The following MUC5B variants were observed in gnomAD, a reference collection of about 807,000 sequenced individuals.
MUC5B encodes the protein mucin 5B, oligomeric mucus/gel-forming.
In MUC5B, 116 loss-of-function variants were observed where a neutral mutation model predicts 376.9. That is an observed-to-expected ratio of 0.31 (90% confidence interval 0.26 to 0.36). MUC5B has a LOEUF of 0.36. MUC5B is among the 10% of genes least tolerant of loss of function. The pLI is 1.00. For missense variants in MUC5B, 7,165 were observed against 7,769.9 expected (o/e 0.92, Z 2.93); for synonymous variants, 3,517 against 3,390.9 (o/e 1.04, Z -1.29).
chr11:1,236,290 C>A (rs964668459), intron 23 of MUC5B, 96 bp from the exon 24 acceptor site: 2 of 1,256,856 alleles, frequency 1.6e-6, no homozygotes, highest in Non-Finnish European at 2.2e-6. Flanking sequence ...AGAGCCCGTG[C>A]GCACCTGCAG....
chr11:1,251,577 C>T lies in MUC5B; in HGVS notation c.14697C>T (p.Thr4899=), dbSNP rs569129571. The T allele has an allele frequency of 6.6e-5, 106 of 1,612,628 alleles. 1 individual carries two copies. The East Asian group carries it at 1.5e-3, about 23-fold the overall frequency. The change falls in exon 31 of 49, where the codon ACC becomes ACT. Residue 4899 remains threonine (T), a synonymous_variant. Coordinates refer to ENST00000529681, the MANE Select transcript of MUC5B (RefSeq NM_002458.3). ...CCTCCACGGTTCCCAGCTCGTCCAC[C>T]GTGGGGACCACCCGCACCCCTGCAG... is the stretch of plus-strand genomic sequence containing the variant. ...ATASTVPSSS[T]VGTTRTPAVL...
chr11:1,227,252 T>C, intron 5 of MUC5B, 56 bp from the exon 6 acceptor site: 3 of 1,574,450 alleles, frequency 1.9e-6, no homozygotes, highest in Non-Finnish European at 1.7e-6. Flanking sequence ...TTGGGGCATG[T>C]TGCCAGTGTG....
Position 1,258,818 on chromosome 11 carries a change from G to T in MUC5B, c.16594-124G>T. 2 of 1,337,620 alleles carry T rather than the reference G, an allele frequency of 1.5e-6. No individual in the cohort carries two copies. The highest frequency in any genetic ancestry group is 2.2e-5 in the Admixed American group (1 of 45,596). 82.9% of individuals were successfully genotyped at this position (1,337,620 alleles called of 1,614,324 possible). A position where few individuals can be genotyped will look rare whatever the true frequency, so the allele number is the denominator to read the frequency against. ...GCCTGCCTGGGTCCATGCTCAGCCA[G>T]GGGTGCATCTATGCTCCATCTGAGG... On this transcript the variant is annotated intron_variant, in intron 43 of 48. Transcript: ENST00000529681. This position sits in a 1 kb window ranked among gnomAD's most constrained non-coding sequence, Gnocchi z 5.5.
In MUC5B at chr11:1,223,108, C is replaced by T. The variant is rs543710907; in HGVS notation, c.-16C>T. 81 of 700,146 alleles carry T rather than the reference C, an allele frequency of 1.2e-4. 2 individuals carry two copies. The highest frequency in any genetic ancestry group is 6.4e-4 in the South Asian group (43 of 67,172). 43.4% of individuals were successfully genotyped at this position (700,146 alleles called of 1,614,324 possible). ...CCCTGCCCGTCCCCGTCCCCCCACC[C>T]GTGCCAGCCCCCAGGATGGGTGCCC... On this transcript the variant is annotated 5_prime_UTR_variant, in exon 1 of 49. Coordinates refer to ENST00000529681, the MANE Select transcript of MUC5B (RefSeq NM_002458.3).
At position 1,251,534 on chromosome 11, in the gene MUC5B, C is replaced by G. The variant is rs749226986; in HGVS notation, c.14654C>G (p.Thr4885Ser). The G allele has an allele frequency of 1.9e-6, 3 of 1,613,118 alleles. No individual in the cohort carries two copies. Among genetic ancestry groups the G allele is most frequent in the Non-Finnish European group, 1.7e-6 (2 of 1,179,818 alleles). ...HTPKVVTTMATMPTATASTVP... is the reference protein window; with the variant it reads ...HTPKVVTTMASMPTATASTVP... ...CCCAAAGTGGTGACCACCATGGCCA[C>G]TATGCCCACAGCCACTGCCTCCACG... The change falls in exon 31 of 49, where the codon ACT (threonine) becomes AGT (serine). Residue 4885 changes from threonine to serine, a missense_variant. Transcript: ENST00000529681.
At chr11:1,252,015 C>T (rs2133845819) in intron 31 of MUC5B, among the ~76,000 whole-genome samples, 1 of 151,154 alleles carries the variant, frequency 6.6e-6, no homozygotes, top group Admixed American at 6.6e-5. Flanking sequence ...ATTCGGTCTC[C>T]CCTGGACACA....
chr11:1,261,509 C>T lies in MUC5B; in HGVS notation c.17190C>T (p.Thr5730=), dbSNP rs1315853218. The T allele has an allele frequency of 6.2e-7, 1 of 1,604,102 alleles. No homozygotes were observed. Among genetic ancestry groups the T allele is most frequent in the South Asian group, 1.1e-5 (1 of 89,040 alleles). ...PNGSAILHTY[T]HVDECGCTPF... The stretch of plus-strand genomic sequence containing the variant: ...GCTCAGCCATCCTGCACACCTACAC[C>T]CACGTGGATGAGTGTGGCTGCACGC... Residue 5730 remains threonine (T), a synonymous_variant, in exon 49 of 49, where the codon ACC becomes ACT. Transcript: ENST00000529681.
At position 1,245,922 on chromosome 11, in the gene MUC5B, C is replaced by T. The variant is rs751294900; in HGVS notation, c.9042C>T (p.Ser3014=). 2.5e-6 allele frequency: 4 copies of T among 1,613,190 alleles called. No homozygotes were observed. Among genetic ancestry groups the T allele is most frequent in the Admixed American group, 1.7e-5 (1 of 59,974 alleles). Residue 3014 remains serine (S), a synonymous_variant, in exon 31 of 49, where the codon TCC becomes TCT. Coordinates refer to ENST00000529681, the MANE Select transcript of MUC5B (RefSeq NM_002458.3). ...ATTGSTAIPS[S]TPGTAPPPKV... Reference sequence around the variant, plus strand: ...CTGGATCCACGGCCATCCCGTCCTCCACCCCGGGAACAGCTCCCCCTCCCA... The same window carrying T: ...CTGGATCCACGGCCATCCCGTCCTCTACCCCGGGAACAGCTCCCCCTCCCA...
At position 1,261,417 on chromosome 11, in the gene MUC5B, C is replaced by T; in HGVS notation, c.17098C>T (p.His5700Tyr). The T allele has an allele frequency of 1.3e-6, 2 of 1,553,552 alleles. No homozygotes were observed. Among genetic ancestry groups the T allele is most frequent in the Non-Finnish European group, 1.7e-6 (2 of 1,150,088 alleles). The change falls in exon 49 of 49, where the codon CAC becomes TAC. Residue 5700 changes from histidine to tyrosine, a missense_variant. Transcript: ENST00000529681. ...KYSAEAQAMQ[H>Y]QCTCCQERRV... ...CTCAGCAGAGGCCCAGGCCATGCAG[C>T]ACCAGTGCACCTGCTGCCAGGAGAG...
In MUC5B at chr11:1,240,239, C is replaced by T. The variant is rs55913363; in HGVS notation, c.3834C>T (p.Thr1278=). 3,986 of 1,613,558 alleles carry T rather than the reference C, an allele frequency of 2.5e-3. 83 individuals are homozygous for T. The African/African-American group carries it at 0.04, about 16-fold the overall frequency. The change falls in exon 30 of 49, where the codon ACC becomes ACT. Residue 1278 remains threonine (T), a synonymous_variant. Coordinates refer to ENST00000529681, the MANE Select transcript of MUC5B (RefSeq NM_002458.3). ...ACCAGGACGTCATCTACAACACCAC[C>T]GATGGGCTTGGCGCCTGCTTGATCG... is the stretch of plus-strand genomic sequence containing the variant. ...YSYQDVIYNT[T]DGLGACLIAI...
rs201702764 is a variant in MUC5B, at chr11:1,241,769, C to T, written c.4889C>T (p.Thr1630Met). The change falls in exon 31 of 49, where the codon ACG becomes ATG. Residue 1630 changes from threonine to methionine, a missense_variant. By Grantham distance (81) the Thr-to-Met change is moderately conservative. Transcript: ENST00000529681. ...ACCACCACCCAGGCCCTGTTCTCAACGCCGCAGCCTACGAGTAGCCCGGGG... is the reference window on the plus strand; with the variant it reads ...ACCACCACCCAGGCCCTGTTCTCAATGCCGCAGCCTACGAGTAGCCCGGGG... Reference protein sequence around the residue: ...TTTTTQALFSTPQPTSSPGLT... With the variant: ...TTTTTQALFSMPQPTSSPGLT... The T allele has an allele frequency of 4.4e-4, 713 of 1,612,204 alleles. 7 individuals are homozygous for T. The African/African-American group carries it at 7.8e-3, about 18-fold the overall frequency.
At position 1,242,228 on chromosome 11, in the gene MUC5B, G is replaced by A. The variant is rs148847132; in HGVS notation, c.5348G>A (p.Arg1783His). Residue 1783 changes from arginine to histidine, a missense_variant, in exon 31 of 49, where the codon CGC becomes CAC. Physicochemically the swap from Arg to His is conservative, Grantham distance 29 (BLOSUM62 0). Coordinates refer to ENST00000529681, the MANE Select transcript of MUC5B (RefSeq NM_002458.3). ...ACCACCACCAGCCAGGGCACGACCCGCTGTCAACCGAAGTGTGAGTGGACA... is the reference window on the plus strand; with the variant it reads ...ACCACCACCAGCCAGGGCACGACCCACTGTCAACCGAAGTGTGAGTGGACA... ...TNTTTSQGTT[R>H]CQPKCEWTEW... 86 of 1,613,786 alleles carry A rather than the reference G, an allele frequency of 5.3e-5. No individual in the cohort carries two copies. The highest frequency in any genetic ancestry group is 1.6e-4 in the Middle Eastern group (1 of 6,062).
Position 1,239,912 on chromosome 11 carries a change from A to G in MUC5B, c.3697A>G (p.Arg1233Gly), listed in dbSNP as rs1265122701. Residue 1233 changes from arginine to glycine, a missense_variant, in exon 28 of 49, where the codon AGG becomes GGG. Arg to Gly is a moderately radical substitution (Grantham distance 125). Around this residue, in one of 31 missense-constraint regions of MUC5B, gnomAD observed 517 missense variants for 545.3 expected, o/e 0.95. Transcript: ENST00000529681. ...KDGNYYDVGA[R>G]VPTAENCQSC... is the part of the protein sequence containing the mutation. ...CGGAAACTACTATGACGTCGGTGCAAGGGTCCCCACAGCGGAGAACTGCCA... is the reference window on the plus strand; with the variant it reads ...CGGAAACTACTATGACGTCGGTGCAGGGGTCCCCACAGCGGAGAACTGCCA... The G allele has an allele frequency of 3.7e-6, 6 of 1,613,284 alleles. No individual in the cohort carries two copies. Among genetic ancestry groups the G allele is most frequent in the Non-Finnish European group, 1.7e-6 (2 of 1,179,710 alleles).
chr11:1,256,196 C>T lies in MUC5B; in HGVS notation c.16107C>T (p.Gly5369=). 1.4e-6 allele frequency: 1 copy of T among 734,872 alleles called. No individual in the cohort carries two copies. The highest frequency in any genetic ancestry group is 2.5e-6 in the Non-Finnish European group (1 of 395,478). 45.5% of individuals were successfully genotyped at this position (734,872 alleles called of 1,614,324 possible). ...CCACCAAAGTGTACAAGCCATGCGG[C>T]CCCATACAGCCTGCCACCTGCAACT... ...CPPTKVYKPC[G]PIQPATCNSR... The change falls in exon 38 of 49, where the codon GGC becomes GGT. Residue 5369 remains glycine (G), a synonymous_variant. Transcript: ENST00000529681.
chr11:1,242,190 C>T lies in MUC5B; in HGVS notation c.5310C>T (p.Ser1770=). The T allele has an allele frequency of 6.2e-7, 1 of 1,613,544 alleles. No homozygotes were observed. Among genetic ancestry groups the T allele is most frequent in the Non-Finnish European group, 8.5e-7 (1 of 1,179,876 alleles). Residue 1770 remains serine, a synonymous_variant, in exon 31 of 49, where the codon AGC becomes AGT. Transcript: ENST00000529681. ...CGCCCAGGACAGAGACGACAATGAG[C>T]CCCTTGACTAACACCACCACCAGCC... ...TSTPRTETTM[S]PLTNTTTSQG...
Position 1,242,540 on chromosome 11 carries a change from GTA to G in MUC5B, c.5661_5662del (p.Thr1888ProfsTer235). ...TGTGACGACTACAGCCACTGCCCCA[GTA>G]CCCCAGCCACCAGCTCCACGGCCAC... is the stretch of plus-strand genomic sequence containing the variant. On this transcript the variant is annotated frameshift_variant, in exon 31 of 49. Transcript: ENST00000529681. LOFTEE classifies it high-confidence loss of function. 6.2e-7 allele frequency: 1 copy of G among 1,613,772 alleles called. No individual in the cohort carries two copies. Among genetic ancestry groups the G allele is most frequent in the Non-Finnish European group, 8.5e-7 (1 of 1,179,788 alleles).
rs982758935 is a variant in MUC5B at position 1,239,700 on chromosome 11, G to C, written c.3584-99G>C. 17 of 1,492,430 alleles carry C rather than the reference G, an allele frequency of 1.1e-5. No homozygotes were observed. The Middle Eastern group carries it at 5.8e-4, about 51-fold the overall frequency. The allele number at this position is 1,492,430 out of a possible 1,614,324, so 92.4% of individuals were successfully genotyped here. ...ATGCAAGCCTTGAGGGCAGGCCCCT[G>C]CTGGCTGGTGGGGGGCGGCTACTCC... On this transcript the variant is annotated intron_variant, in intron 27 of 48. Transcript: ENST00000529681.
In MUC5B at chr11:1,245,183, G is replaced by T; in HGVS notation, c.8303G>T (p.Arg2768Leu). 1 of 1,576,668 alleles carries T rather than the reference G, an allele frequency of 6.3e-7. No individual in the cohort carries two copies. Among genetic ancestry groups the T allele is most frequent in the South Asian group, 1.1e-5 (1 of 89,448 alleles). The change falls in exon 31 of 49, where the codon CGC (arginine) becomes CTC (leucine). Residue 2768 changes from arginine to leucine, a missense_variant. Around this residue, in one of 31 missense-constraint regions of MUC5B, gnomAD observed 70 missense variants for 169.1 expected, o/e 0.41. Transcript: ENST00000529681. ...SLSPSSPHTV[R>L]TAWTSATSGT... ...TCCCCCAGCAGTCCCCACACGGTGC[G>T]CACAGCCTGGACTTCGGCCACCTCA...
rs774760252 is a variant in MUC5B, at chr11:1,230,080, C to T, written c.1296C>T (p.His432=). The change falls in exon 11 of 49, where the codon CAC becomes CAT. Residue 432 remains histidine (H), a synonymous_variant. Transcript: ENST00000529681. The part of the protein sequence containing the change: ...PGTCSVQGGA[H]ISTYDEKLYD... Reference sequence around the variant, plus strand: ...CCTGCTCTGTGCAGGGCGGGGCCCACATCTCCACCTATGATGAGAAACTCT... The same window carrying T: ...CCTGCTCTGTGCAGGGCGGGGCCCATATCTCCACCTATGATGAGAAACTCT... 3.1e-6 allele frequency: 5 copies of T among 1,612,194 alleles called. No homozygotes were observed. Among genetic ancestry groups the T allele is most frequent in the East Asian group, 2.2e-5 (1 of 44,896 alleles).
Sources: gnomAD v4.1 joint callset for allele counts (sites outside exome capture counted in the v4.1 genomes callset) on GRCh38, gnomAD v4.1.1 for gene constraint, gnomAD v4.1.1 regional missense constraint, Gnocchi (gnomAD v3.1) non-coding constraint, MANE v1.5 for transcripts, NCBI Gene and HGNC (gene_info 2026-07-23, HGNC 2026-07-21) for gene names.